The following CFAP47 variants were observed in gnomAD, a reference collection of about 807,000 sequenced individuals.
The protein encoded by CFAP47 is cilia and flagella associated protein 47.
CFAP47 carries 29 observed loss-of-function variants against 148.1 expected under a neutral mutation model. The observed-to-expected ratio is 0.20, with a 90% confidence interval of 0.15 to 0.27. The LOEUF (loss-of-function observed/expected upper bound fraction) is 0.27, where lower values mean the gene tolerates loss of function less well. Ranked by LOEUF, CFAP47 falls within the 10% of genes least tolerant of loss-of-function variation. CFAP47 has a pLI of 1.00. For synonymous variants in CFAP47, 664 were observed against 577.3 expected (o/e 1.15, Z -2.15); for missense variants, 1,872 against 1,697.5 (o/e 1.10, Z -1.81).
chrX:36,186,953 A>C (rs2146872870), intron 40 of CFAP47, among the ~76,000 whole-genome samples: 1 of 110,660 alleles, frequency 9.0e-6, no homozygotes, highest in South Asian at 3.8e-4. Context: ...GTTTATGAGC[A>C]TTTAGAAAGT....
chrX:36,156,647 G>A (rs1939370633), intron 37 of CFAP47, among the ~76,000 whole-genome samples: 1 of 109,014 alleles, frequency 9.2e-6, no homozygotes, highest in Admixed American at 9.9e-5. Context: ...AAAAAATCAG[G>A]GAAAGGCAAT....
chrX:36,246,398 C>T (rs1438542629), intron 48 of CFAP47, among the ~76,000 whole-genome samples: 1 of 111,427 alleles, frequency 9.0e-6, no homozygotes, highest in African/African-American at 3.3e-5. Context: ...AAAGAACTGC[C>T]CAAGGCTGGG....
At chrX:36,000,124 C>A (rs1936896706) in intron 19 of CFAP47, among the ~76,000 whole-genome samples, 159 bp from the exon 20 acceptor site, 1 of 110,685 alleles carries the variant, frequency 9.0e-6, no homozygotes, top group Non-Finnish European at 1.9e-5. Flanking sequence ...ATGTAGGAGG[C>A]ATAGAGGAGG....
At chrX:36,221,310 C>T (rs1157872625) in intron 45 of CFAP47, among the ~76,000 whole-genome samples, 1 of 111,068 alleles carries the variant, frequency 9.0e-6, no homozygotes, top group Non-Finnish European at 1.9e-5. Flanking sequence ...ATTTTAGGGA[C>T]CAGGGTTGAA....
rs375903494 is a variant in CFAP47 at position 35,988,622 on chromosome X, C to T, written c.2714-697C>T. Among the ~76,000 whole-genome samples, 9 of 111,876 alleles carry T rather than the reference C, an allele frequency of 8.0e-5. No homozygotes were observed. In the East Asian group the frequency reaches 2.5e-3, roughly 31 times the overall value. ...TAATTGATTTCTTTCATTCCGTATC[C>T]TGTGCCTTTGAATCTCAGGGGCTTC... On this transcript the variant is annotated intron_variant, in intron 15 of 63. Transcript: ENST00000378653.
At chrX:36,365,128 T>C (rs1430298355) in intron 61 of CFAP47, among the ~76,000 whole-genome samples, 1 of 108,014 alleles carries the variant, frequency 9.3e-6, no homozygotes, top group Non-Finnish European at 1.9e-5. Flanking sequence ...ACAATGGTCT[T>C]GAAATAGTGG....
At chrX:36,272,576 C>G (rs944175477) in intron 49 of CFAP47, among the ~76,000 whole-genome samples, 6 of 110,679 alleles carry the variant, frequency 5.4e-5, no homozygotes, top group African/African-American at 2.0e-4. Context: ...GGATTTGACT[C>G]TTTCTGACTT....
intron 50 of CFAP47, among the ~76,000 whole-genome samples, chrX:36,285,019 G>A (rs1556004275): frequency 1.8e-5 from 2 of 111,242 alleles, no homozygotes; most frequent in African/African-American, 6.5e-5. Context: ...GTATGGTTTT[G>A]GTTATCATCA....
At chrX:36,124,700 T>G (rs1167926922) in intron 33 of CFAP47, among the ~76,000 whole-genome samples, 1 of 111,196 alleles carries the variant, frequency 9.0e-6, no homozygotes, top group Non-Finnish European at 1.9e-5. Context: ...CTTTATTGCC[T>G]CTTTTAGTGA....
At chrX:36,272,784 A>G (rs1389152910) in intron 49 of CFAP47, among the ~76,000 whole-genome samples, 1 of 111,665 alleles carries the variant, frequency 9.0e-6, no homozygotes, top group Non-Finnish European at 1.9e-5. Flanking sequence ...TAAAATTTAT[A>G]TAATTTTTAT....
chrX:36,379,085 T>G (rs1909270143), intron 62 of CFAP47, among the ~76,000 whole-genome samples: 1 of 110,874 alleles, frequency 9.0e-6, no homozygotes, highest in East Asian at 2.8e-4. Flanking sequence ...GTGCTGGGAT[T>G]ATAGGCGTGA....
At chrX:36,211,598 T>C (rs1443742781) in intron 45 of CFAP47, 1 of 258,741 alleles carries the variant, frequency 3.9e-6, no homozygotes, top group Non-Finnish European at 7.1e-6. Context: ...TTGCTGCATA[T>C]CAAGCTAAAG....
chrX:35,971,861 T>G lies in CFAP47; in HGVS notation c.2158-8T>G. 2.5e-6 allele frequency: 3 copies of G among 1,191,367 alleles called. No individual in the cohort carries two copies. Among genetic ancestry groups the G allele is most frequent in the Non-Finnish European group, 3.4e-6 (3 of 881,999 alleles). ...TGAATAATTCTGGAAAAATATGATTTTTTACAGGTTCTCAAAGGACTTAAA... is the reference window on the plus strand; with the variant it reads ...TGAATAATTCTGGAAAAATATGATTGTTTACAGGTTCTCAAAGGACTTAAA... On this transcript the variant is annotated splice_region_variant and splice_polypyrimidine_tract_variant and intron_variant, in intron 12 of 63. Coordinates refer to ENST00000378653, the MANE Select transcript of CFAP47 (RefSeq NM_001304548.2).
At chrX:35,956,601 G>C (rs1936249734) in intron 8 of CFAP47, among the ~76,000 whole-genome samples, 1 of 111,838 alleles carries the variant, frequency 8.9e-6, no homozygotes, top group Admixed American at 9.5e-5. Flanking sequence ...GTATGAGCCA[G>C]ACATTGAAGC....
intron 2 of CFAP47, among the ~76,000 whole-genome samples, chrX:35,939,461 C>G (rs1359965362): frequency 1.3e-5 from 1 of 77,314 alleles, no homozygotes; most frequent in African/African-American, 5.0e-5. Flanking sequence ...CACCCCACAA[C>G]AGTCCCCAGA....
chrX:36,112,756 G>A (rs1938576537), intron 33 of CFAP47, among the ~76,000 whole-genome samples: 1 of 111,357 alleles, frequency 9.0e-6, no homozygotes, highest in Non-Finnish European at 1.9e-5. Context: ...AGGTCTCTAA[G>A]AACTTGCTTT....
At chrX:36,306,977 G>A (rs782160274) in intron 55 of CFAP47, 101 bp downstream of exon 55, 17 of 348,214 alleles carry the variant, frequency 4.9e-5, no homozygotes, top group Non-Finnish European at 7.4e-5. Flanking sequence ...TATTTTGCAA[G>A]TAAAACAAGT....
chrX:35,922,629 C>T (rs6527520), intron 1 of CFAP47, among the ~76,000 whole-genome samples: 1 of 111,809 alleles, frequency 8.9e-6, no homozygotes, highest in East Asian at 2.9e-4. Context: ...ATAAATTGCA[C>T]GAGGGTTGAG....
At chrX:36,151,116 C>A (rs1417490231) in intron 37 of CFAP47, among the ~76,000 whole-genome samples, 1 of 112,043 alleles carries the variant, frequency 8.9e-6, no homozygotes, top group Non-Finnish European at 1.9e-5. Context: ...TGTGGAAATT[C>A]TTCCTAATAA....
Sources: gnomAD v4.1 joint callset for allele counts (sites outside exome capture counted in the v4.1 genomes callset) on GRCh38, gnomAD v4.1.1 for gene constraint, MANE v1.5 for transcripts, NCBI Gene and HGNC (gene_info 2026-07-23, HGNC 2026-07-21) for gene names.